The following ELAVL4 variants were observed in gnomAD, a reference collection of about 807,000 sequenced individuals.
ELAVL4 encodes ELAV like RNA binding protein 4, also known as ELAV-like protein 4.
Under a neutral mutation model 35.6 loss-of-function variants are expected in ELAVL4, and 1 was observed. The observed-to-expected ratio is 0.03, with a 90% confidence interval of 0.01 to 0.13. The LOEUF (loss-of-function observed/expected upper bound fraction) is 0.13. Among genes scored for constraint, ELAVL4 ranks in the 10% least tolerant of loss-of-function variants. ELAVL4 has a pLI of 1.00. For missense variants in ELAVL4, 267 were observed against 464.9 expected (o/e 0.57, Z 3.91); for synonymous variants, 156 against 171.0 (o/e 0.91, Z 0.69).
intron 1 of ELAVL4, among the ~76,000 whole-genome samples, chr1:50,143,821 G>A (rs1029334928): frequency 1.3e-5 from 2 of 152,108 alleles, no homozygotes; most frequent in Non-Finnish European, 2.9e-5. Flanking sequence ...TGATAACAGA[G>A]AAGTAACTGG....
intron 3 of ELAVL4, among the ~76,000 whole-genome samples, chr1:50,177,629 GAA>G (rs1680274118): frequency 6.6e-6 from 1 of 152,188 alleles, no homozygotes. Context: ...ATGGGAAGGT[GAA>G]AAGATGAGGA....
chr1:50,167,930 C>A (rs1401334715), intron 2 of ELAVL4, among the ~76,000 whole-genome samples: 1 of 152,212 alleles, frequency 6.6e-6, no homozygotes, highest in East Asian at 1.9e-4. Flanking sequence ...GACCATCCAG[C>A]CAAACCATTG....
At chr1:50,101,210 G>T (rs920401340), upstream of ELAVL4, among the ~76,000 whole-genome samples, 1 of 152,104 alleles carries the variant, frequency 6.6e-6, no homozygotes, top group African/African-American at 2.4e-5. Flanking sequence ...GCACTACTTG[G>T]AAATAAGGAC....
At chr1:50,063,384 T>A (rs1187544657) in intron 1 of ELAVL4, among the ~76,000 whole-genome samples, 2 of 152,198 alleles carry the variant, frequency 1.3e-5, no homozygotes, top group Non-Finnish European at 2.9e-5. Context: ...CATTGTCTAC[T>A]GTTGTTTTGT....
At chr1:50,075,115 G>A (rs1470083692) in intron 1 of ELAVL4, among the ~76,000 whole-genome samples, 1 of 152,186 alleles carries the variant, frequency 6.6e-6, no homozygotes, top group Non-Finnish European at 1.5e-5. Context: ...GTAGGATGAA[G>A]TGTGTGTCAG....
chr1:50,133,809 G>T (rs1671436806), intron 1 of ELAVL4, among the ~76,000 whole-genome samples: 1 of 152,104 alleles, frequency 6.6e-6, no homozygotes, highest in African/African-American at 2.4e-5. Flanking sequence ...TATATGAATT[G>T]TCCATGAGTA....
intron 1 of ELAVL4, among the ~76,000 whole-genome samples, chr1:50,136,044 A>T (rs1671826857): frequency 6.6e-6 from 1 of 152,190 alleles, no homozygotes; most frequent in Admixed American, 6.5e-5. Flanking sequence ...AAAAAAAAAT[A>T]TTAACCTGAA....
At chr1:50,153,971 A>C (rs1675267331) in intron 2 of ELAVL4, among the ~76,000 whole-genome samples, 1 of 152,356 alleles carries the variant, frequency 6.6e-6, no homozygotes, top group East Asian at 1.9e-4. Flanking sequence ...TTGGATTTCC[A>C]GACTCCAGAA....
upstream of ELAVL4, chr1:50,106,411 G>A: frequency 6.3e-7 from 1 of 1,597,614 alleles, no homozygotes; most frequent in Non-Finnish European, 8.6e-7. Flanking sequence ...GAATACAGCG[G>A]CGCTGGCAGC....
intron 1 of ELAVL4, among the ~76,000 whole-genome samples, chr1:50,091,894 G>A (rs1023370987): frequency 6.6e-6 from 1 of 152,102 alleles, no homozygotes; most frequent in Admixed American, 6.6e-5. Flanking sequence ...CTCGCTTAAG[G>A]TCTGTGAGAC....
intron 2 of ELAVL4, among the ~76,000 whole-genome samples, chr1:50,166,681 A>T (rs1198897445): frequency 2.0e-5 from 3 of 152,052 alleles, no homozygotes; most frequent in African/African-American, 4.8e-5. Context: ...CTTCCCATTG[A>T]CCTTAATCAC....
chr1:50,137,072 G>A (rs1431357495), intron 1 of ELAVL4, among the ~76,000 whole-genome samples: 1 of 152,156 alleles, frequency 6.6e-6, no homozygotes, highest in East Asian at 1.9e-4. Context: ...GAGGGGATAG[G>A]GTAAGACAGG....
intron 1 of ELAVL4, among the ~76,000 whole-genome samples, chr1:50,089,530 A>G (rs1286117525): frequency 6.6e-6 from 1 of 152,202 alleles, no homozygotes. Flanking sequence ...AGGTGGGCAG[A>G]TCAATTGAGC....
At chr1:50,128,390 C>G (rs1170353428) in intron 1 of ELAVL4, among the ~76,000 whole-genome samples, 2 of 152,046 alleles carry the variant, frequency 1.3e-5, no homozygotes, top group African/African-American at 4.8e-5. Flanking sequence ...GATGAACAGG[C>G]AAGGGAAGCA....
upstream of ELAVL4, among the ~76,000 whole-genome samples, chr1:50,107,222 C>G (rs766710755): frequency 2.4e-3 from 371 of 152,322 alleles, 1 homozygote; most frequent in Non-Finnish European, 2.7e-3. Flanking sequence ...TATTGTGACT[C>G]ACAGGACATT....
intron 6 of ELAVL4, among the ~76,000 whole-genome samples, chr1:50,198,141 C>T (rs2148891670): frequency 6.6e-6 from 1 of 152,276 alleles, no homozygotes; most frequent in African/African-American, 2.4e-5. Context: ...TTTAAACTTG[C>T]TGTTCCTGTC....
At chr1:50,083,546 T>TA (rs1665103231) in intron 1 of ELAVL4, among the ~76,000 whole-genome samples, 1 of 152,214 alleles carries the variant, frequency 6.6e-6, no homozygotes, top group Admixed American at 6.5e-5. Flanking sequence ...GATGAGCATG[T>TA]ATCTAACTAC....
chr1:50,053,743 AG>A (rs1410217513), intron 1 of ELAVL4, among the ~76,000 whole-genome samples: 1 of 152,230 alleles, frequency 6.6e-6, no homozygotes, highest in African/African-American at 2.4e-5. Flanking sequence ...CTGTCAGCAA[AG>A]GAACAAGAGA....
chr1:50,129,094 A>C (rs1218211415), intron 1 of ELAVL4, among the ~76,000 whole-genome samples: 6 of 152,048 alleles, frequency 3.9e-5, no homozygotes, highest in Non-Finnish European at 8.8e-5. Context: ...ATTATAAATT[A>C]TTATAAAAAA....
Sources: gnomAD v4.1 joint callset for allele counts (sites outside exome capture counted in the v4.1 genomes callset) on GRCh38, gnomAD v4.1.1 for gene constraint, MANE v1.5 for transcripts, NCBI Gene and HGNC (gene_info 2026-07-23, HGNC 2026-07-21) for gene names.